BBS9: variants seen among roughly 807,000 people sequenced by gnomAD.
The protein encoded by BBS9 is Bardet-Biedl syndrome 9.
In BBS9, 89 loss-of-function variants were observed where a neutral mutation model predicts 117.7. The observed-to-expected ratio is 0.76, with a 90% CI of 0.64 to 0.90. The LOEUF (loss-of-function observed/expected upper bound fraction) is 0.90. Ranked by LOEUF, BBS9 falls within the 40% of genes least tolerant of loss-of-function variation. The probability of loss-of-function intolerance (pLI) is 0.00; values close to 1 mark genes in which losing one functional copy is unlikely to be tolerated. For missense variants in BBS9, 982 were observed against 1,042.2 expected, an observed-to-expected ratio of 0.94 and a Z score of 0.80; for synonymous variants, 379 against 370.9, an observed-to-expected ratio of 1.02 and a Z score of -0.25.
intron 6 of BBS9, among the ~76,000 whole-genome samples, chr7:33,259,834 A>C (rs570014193): frequency 1.7e-4 from 26 of 150,250 alleles, no homozygotes; most frequent in African/African-American, 6.3e-4. Flanking sequence ...TCTCTTATTC[A>C]GCCTCTCCTT....
At chr7:33,596,447 C>G (rs893879966) in intron 21 of BBS9, among the ~76,000 whole-genome samples, 1 of 151,674 alleles carries the variant, frequency 6.6e-6, no homozygotes, top group African/African-American at 2.4e-5. Flanking sequence ...ATTGGGTGCT[C>G]TTGAGGAAAA....
chr7:33,568,900 G>A (rs1418443558), intron 21 of BBS9, among the ~76,000 whole-genome samples: 2 of 152,158 alleles, frequency 1.3e-5, no homozygotes, highest in Admixed American at 6.5e-5. Flanking sequence ...GAATGGCAAA[G>A]GGGTAGAAAG....
chr7:33,608,542 ATTGTTTTTTGACTTG>A, downstream of BBS9, among the ~76,000 whole-genome samples: 1 of 151,964 alleles, frequency 6.6e-6, no homozygotes. Flanking sequence ...CTTGCCAGCT[ATTGTTTTTTGACTTG>A]TTAATAATAG....
chr7:33,298,123 A>G (rs944747837), intron 9 of BBS9, among the ~76,000 whole-genome samples: 1 of 152,114 alleles, frequency 6.6e-6, no homozygotes, highest in Non-Finnish European at 1.5e-5. Context: ...TGGTTCAGGA[A>G]TATTTTCATT....
intron 19 of BBS9, among the ~76,000 whole-genome samples, chr7:33,468,271 A>C (rs1442226396): frequency 1.3e-5 from 2 of 152,148 alleles, no homozygotes; most frequent in Non-Finnish European, 2.9e-5. Flanking sequence ...ATTTTTCAAT[A>C]CTTATTAGAA....
intron 2 of BBS9, among the ~76,000 whole-genome samples, chr7:33,146,670 A>G (rs1208050230): frequency 3.4e-5 from 5 of 146,062 alleles, no homozygotes; most frequent in Non-Finnish European, 3.0e-5. Context: ...CTACACTCCA[A>G]CCTGGGCAAC....
intron 19 of BBS9, among the ~76,000 whole-genome samples, chr7:33,425,092 C>T (rs1833460604): frequency 6.6e-6 from 1 of 152,138 alleles, no homozygotes; most frequent in South Asian, 2.1e-4. Context: ...TTCTAATCTA[C>T]AGTAAACACA....
chr7:33,223,269 T>G (rs1409385041), intron 5 of BBS9, among the ~76,000 whole-genome samples: 6 of 152,180 alleles, frequency 3.9e-5, no homozygotes, highest in African/African-American at 1.4e-4. Flanking sequence ...CTAATTAACA[T>G]ATCTATCATC....
chr7:33,534,518 C>T (rs560230317), intron 21 of BBS9: 11 of 386,286 alleles, frequency 2.8e-5, no homozygotes, highest in East Asian at 1.2e-4. Flanking sequence ...TACAATATTT[C>T]GTAAATGTAA....
chr7:33,404,938 T>C (rs1437453607), intron 19 of BBS9, among the ~76,000 whole-genome samples: 5 of 152,108 alleles, frequency 3.3e-5, no homozygotes, highest in Non-Finnish European at 1.5e-5. Context: ...TCAAAGGGAA[T>C]GCTTCCAGTT....
chr7:33,380,959 G>C (rs746603208), intron 17 of BBS9: 13 of 152,242 alleles, frequency 8.5e-5, no homozygotes, highest in Non-Finnish European at 1.9e-4. Flanking sequence ...CCTGGTACAA[G>C]ATCTGAGACA....
chr7:33,195,842 G>A (rs1160660247), intron 5 of BBS9, among the ~76,000 whole-genome samples: 2 of 151,912 alleles, frequency 1.3e-5, no homozygotes, highest in Admixed American at 1.3e-4. Flanking sequence ...TTTTACCAAG[G>A]AAAATTTAAT....
chr7:33,241,745 A>G (rs1274952646), intron 5 of BBS9, among the ~76,000 whole-genome samples: 2 of 151,914 alleles, frequency 1.3e-5, no homozygotes, highest in Non-Finnish European at 2.9e-5. Flanking sequence ...TTCACTCTTA[A>G]TTATTATATT....
At chr7:33,313,065 G>A (rs529111616) in intron 9 of BBS9, among the ~76,000 whole-genome samples, 1 of 142,382 alleles carries the variant, frequency 7.0e-6, no homozygotes, top group Non-Finnish European at 1.5e-5. Flanking sequence ...GTGTGTGTGT[G>A]CGCGCACAGG....
chr7:33,509,176 T>C (rs1846559818), intron 20 of BBS9, among the ~76,000 whole-genome samples: 1 of 152,252 alleles, frequency 6.6e-6, no homozygotes, highest in Non-Finnish European at 1.5e-5. Context: ...CTGCTTGTTA[T>C]GCTCTTCATC....
chr7:33,368,237 C>A (rs1368018682), intron 17 of BBS9, among the ~76,000 whole-genome samples: 3 of 152,004 alleles, frequency 2.0e-5, no homozygotes, highest in African/African-American at 7.2e-5. Context: ...TTTGGGAACT[C>A]CTAGAACTTG....
intron 19 of BBS9, among the ~76,000 whole-genome samples, chr7:33,425,293 A>G (rs939670102): frequency 6.6e-6 from 1 of 152,166 alleles, no homozygotes; most frequent in African/African-American, 2.4e-5. Flanking sequence ...AATTTTTATC[A>G]TTACTTATTT....
chr7:33,217,995 T>G lies in BBS9; in HGVS notation c.443-39241T>G, dbSNP rs117858260. On this transcript the variant is annotated intron_variant, in intron 5 of 22. Transcript: ENST00000242067. ...TAAAAAGGTCATAGGATGAAAACAT[T>G]AAATTGTGTATACAATTTTAATTCT... Among the ~76,000 whole-genome samples, 55 of 152,338 alleles carry G rather than the reference T, an allele frequency of 3.6e-4. No individual in the cohort carries two copies. The East Asian group carries it at 0.01, about 29-fold the overall frequency.
intron 21 of BBS9, among the ~76,000 whole-genome samples, chr7:33,593,403 T>A (rs866608631): frequency 6.6e-6 from 1 of 152,136 alleles, no homozygotes; most frequent in African/African-American, 2.4e-5. Context: ...GTAGAGGTTT[T>A]TTTTGTTTTG....
Sources: allele counts gnomAD v4.1 joint callset (sites outside exome capture counted in the v4.1 genomes callset), GRCh38; gene constraint gnomAD v4.1.1; transcripts MANE v1.5; gene names NCBI Gene and HGNC (gene_info 2026-07-23, HGNC 2026-07-21).